XPR1: variants seen among roughly 807,000 people sequenced by gnomAD.
XPR1 encodes xenotropic and polytropic retrovirus receptor 1.
In XPR1, 28 loss-of-function variants were observed where a neutral mutation model predicts 87.5. That is an observed-to-expected ratio of 0.32 (90% CI 0.24 to 0.44). XPR1 has a LOEUF of 0.44. Ranked by LOEUF, XPR1 falls within the 20% of genes least tolerant of loss-of-function variation. XPR1 has a pLI of 1.00. For synonymous variants in XPR1, 300 were observed against 306.1 expected (o/e 0.98, Z 0.21); for missense variants, 559 against 862.3 (o/e 0.65, Z 4.41).
intron 7 of XPR1, among the ~76,000 whole-genome samples, chr1:180,824,025 C>CT (rs1650733223): frequency 1.3e-5 from 2 of 152,154 alleles, no homozygotes; most frequent in Non-Finnish European, 2.9e-5. Flanking sequence ...CATGGCAACT[C>CT]TGTGAGGTAG....
At chr1:180,678,966 C>T (rs1042344753) in intron 1 of XPR1, among the ~76,000 whole-genome samples, 2 of 151,816 alleles carry the variant, frequency 1.3e-5, no homozygotes, top group Non-Finnish European at 2.9e-5. Context: ...GAGGCCGAGG[C>T]GGGTGGATCA....
intron 2 of XPR1, among the ~76,000 whole-genome samples, chr1:180,721,162 G>A (rs778231875): frequency 5.3e-5 from 8 of 151,486 alleles, no homozygotes; most frequent in Non-Finnish European, 7.4e-5. Flanking sequence ...CAGAGATTGC[G>A]GTGAGCTGAG....
At chr1:180,830,448 T>A (rs772529740) in intron 9 of XPR1, among the ~76,000 whole-genome samples, 35 of 152,174 alleles carry the variant, frequency 2.3e-4, no homozygotes, top group Non-Finnish European at 4.3e-4. Flanking sequence ...TCATAGGTAG[T>A]TGACATCCAG....
At position 180,777,979 on chromosome 1, in the gene XPR1, T is replaced by G. The variant is rs183084106; in HGVS notation, c.122-9774T>G. 7.8e-4 allele frequency among the ~76,000 whole-genome samples: 119 copies of G among 152,208 alleles called. 1 individual carries two copies. The East Asian group carries it at 0.012, about 16-fold the overall frequency. On this transcript the variant is annotated intron_variant, in intron 2 of 14. Coordinates refer to ENST00000367590, the MANE Select transcript of XPR1 (RefSeq NM_004736.4). ...GAATACTGTTTCAGGAGATCTTGTT[T>G]TTTTATTTTAATTTTATTTTTTGAG...
At chr1:180,806,721 A>G (rs1650005520) in intron 6 of XPR1, among the ~76,000 whole-genome samples, 164 bp downstream of exon 6, 1 of 152,136 alleles carries the variant, frequency 6.6e-6, no homozygotes, top group Non-Finnish European at 1.5e-5. Flanking sequence ...ATTTTACTTC[A>G]TTCTGAATTA....
At chr1:180,635,130 C>T (rs1654721079) in intron 1 of XPR1, among the ~76,000 whole-genome samples, 2 of 152,090 alleles carry the variant, frequency 1.3e-5, no homozygotes, top group Admixed American at 1.3e-4. Context: ...TAGATTCAGT[C>T]TTCATAGGCA....
intron 2 of XPR1, among the ~76,000 whole-genome samples, chr1:180,775,022 C>T (rs537580622): frequency 6.6e-6 from 1 of 152,248 alleles, no homozygotes; most frequent in Non-Finnish European, 1.5e-5. Context: ...GAGATTTCTT[C>T]AGCCTCTTTT....
intron 13 of XPR1, among the ~76,000 whole-genome samples, chr1:180,876,792 A>G (rs897984663): frequency 2.0e-5 from 3 of 152,274 alleles, no homozygotes; most frequent in African/African-American, 7.2e-5. Context: ...CATATTTAAC[A>G]GTGAAACACT....
chr1:180,775,940 G>A (rs1466421458), intron 2 of XPR1, among the ~76,000 whole-genome samples: 1 of 152,130 alleles, frequency 6.6e-6, no homozygotes, highest in African/African-American at 2.4e-5. Flanking sequence ...CTACAGTCAA[G>A]AAGTCCTCTT....
intron 3 of XPR1, among the ~76,000 whole-genome samples, chr1:180,801,014 T>C (rs1466648771): frequency 1.3e-5 from 2 of 152,188 alleles, no homozygotes; most frequent in African/African-American, 4.8e-5. Context: ...ATTTCTGTCT[T>C]TCCTAGGGAT....
At chr1:180,719,898 T>C (rs1216041467) in intron 2 of XPR1, among the ~76,000 whole-genome samples, 4 of 152,222 alleles carry the variant, frequency 2.6e-5, no homozygotes, top group African/African-American at 7.2e-5. Flanking sequence ...ACTGGACTTA[T>C]AACAGGATCT....
intron 2 of XPR1, among the ~76,000 whole-genome samples, chr1:180,765,292 C>G (rs1648237976): frequency 6.6e-6 from 1 of 152,150 alleles, no homozygotes; most frequent in Non-Finnish European, 1.5e-5. Flanking sequence ...CTGCCAAATT[C>G]CAAATTAACT....
At chr1:180,745,924 TTTTTG>T (rs1284480469) in intron 2 of XPR1, among the ~76,000 whole-genome samples, 3 of 152,242 alleles carry the variant, frequency 2.0e-5, no homozygotes, top group Non-Finnish European at 4.4e-5. Context: ...CTTTGCTTGC[TTTTTG>T]TTTTGTTTTG....
At chr1:180,876,528 C>G (rs1422721220) in intron 13 of XPR1, among the ~76,000 whole-genome samples, 1 of 151,836 alleles carries the variant, frequency 6.6e-6, no homozygotes, top group African/African-American at 2.4e-5. Flanking sequence ...CCCAGCTACT[C>G]AGGAGGCTGA....
intron 3 of XPR1, among the ~76,000 whole-genome samples, chr1:180,790,549 C>CT (rs1260344904): frequency 2.0e-5 from 3 of 151,762 alleles, no homozygotes; most frequent in Admixed American, 6.6e-5. Context: ...TATACATTTT[C>CT]TTTTTTTTGA....
chr1:180,744,125 C>T (rs1173800459), intron 2 of XPR1, among the ~76,000 whole-genome samples: 1 of 152,232 alleles, frequency 6.6e-6, no homozygotes, highest in East Asian at 1.9e-4. Flanking sequence ...TTTTTGCAGT[C>T]CCTCAAGTCA....
Position 180,777,885 on chromosome 1 carries a change from G to A in XPR1, c.122-9868G>A, listed in dbSNP as rs1331811299. ...GAAATCATAGAAACTATTGTGTAGG[G>A]AATATAATTAAAATGCAAAGAGGTA... On this transcript the variant is annotated intron_variant, in intron 2 of 14. Transcript: ENST00000367590. 2.0e-5 allele frequency among the ~76,000 whole-genome samples: 3 copies of A among 152,164 alleles called. No individual in the cohort carries two copies. The East Asian group carries it at 5.8e-4, about 29-fold the overall frequency.
chr1:180,710,947 G>T (rs1258980388), intron 2 of XPR1, among the ~76,000 whole-genome samples: 1 of 151,746 alleles, frequency 6.6e-6, no homozygotes, highest in African/African-American at 2.4e-5. Context: ...GGCGGCTGCT[G>T]GGCGGAGGGG....
chr1:180,639,691 T>G (rs78286278), intron 1 of XPR1, among the ~76,000 whole-genome samples: 2,931 of 152,292 alleles, frequency 0.019, 42 homozygotes, highest in Non-Finnish European at 0.032. Context: ...TTTTATACCT[T>G]AGAGTAGTGG....
Sources: gnomAD v4.1 joint callset for allele counts (sites outside exome capture counted in the v4.1 genomes callset) on GRCh38, gnomAD v4.1.1 for gene constraint, MANE v1.5 for transcripts, NCBI Gene and HGNC (gene_info 2026-07-23, HGNC 2026-07-21) for gene names.